The following SGCD variants were observed in gnomAD, a reference collection of about 807,000 sequenced individuals.
SGCD encodes sarcoglycan delta.
SGCD carries 18 observed loss-of-function variants against 36.6 expected under a neutral mutation model. That is an observed-to-expected ratio of 0.49 (90% CI 0.34 to 0.73). SGCD has a LOEUF of 0.73. SGCD is among the 30% of genes least tolerant of loss of function. The probability of loss-of-function intolerance (pLI) is 0.01; values close to 1 mark genes in which losing one functional copy is unlikely to be tolerated. For missense variants in SGCD, 387 were observed against 346.7 expected, an observed-to-expected ratio of 1.12 and a Z score of -0.92; for synonymous variants, 133 against 130.6, an observed-to-expected ratio of 1.02 and a Z score of -0.12.
the SGCD span, among the ~76,000 whole-genome samples, chr5:155,733,047 C>G: frequency 6.4e-5 from 9 of 141,168 alleles, no homozygotes; most frequent in African/African-American, 2.4e-4. Flanking sequence ...AGTGCCAAGT[C>G]GGAAAGCACT....
intron 3 of SGCD, among the ~76,000 whole-genome samples, chr5:156,351,536 T>C (rs972097847): frequency 2.6e-5 from 4 of 151,888 alleles, no homozygotes; most frequent in Admixed American, 2.0e-4. Flanking sequence ...TTAGAGGAGG[T>C]GATAAATGCA....
chr5:156,076,707 T>C (rs1034702326), intron 1 of SGCD, among the ~76,000 whole-genome samples: 4 of 152,240 alleles, frequency 2.6e-5, no homozygotes, highest in African/African-American at 7.2e-5. Context: ...TTTTTATTCA[T>C]ATTTTTGTAG....
intron 2 of SGCD, among the ~76,000 whole-genome samples, chr5:156,337,781 G>A (rs532347990): frequency 5.9e-5 from 9 of 152,080 alleles, no homozygotes; most frequent in African/African-American, 1.7e-4. Context: ...CCTTTTGAAG[G>A]CCTTTATCTC....
chr5:156,229,522 G>T (rs1321900891), intron 3 of SGCD, among the ~76,000 whole-genome samples: 1 of 151,524 alleles, frequency 6.6e-6, no homozygotes, highest in East Asian at 1.9e-4. Context: ...TAGGGTTTCT[G>T]CTGAGAAATT....
chr5:156,431,264 T>C (rs1752998547), intron 3 of SGCD, among the ~76,000 whole-genome samples: 1 of 152,186 alleles, frequency 6.6e-6, no homozygotes, highest in Admixed American at 6.5e-5. Context: ...GGGTTGTGAC[T>C]CTGCTTCTCA....
chr5:156,086,139 T>C (rs1761085965), intron 1 of SGCD, among the ~76,000 whole-genome samples: 2 of 152,264 alleles, frequency 1.3e-5, no homozygotes, highest in African/African-American at 2.4e-5. Flanking sequence ...ACCTCTATTT[T>C]GGTCATTGTA....
chr5:156,050,871 C>T (rs1759898471), intron 1 of SGCD, among the ~76,000 whole-genome samples: 1 of 146,528 alleles, frequency 6.8e-6, no homozygotes, highest in Non-Finnish European at 1.5e-5. Context: ...CTCCATTTTA[C>T]AAGAACCCTT....
chr5:155,833,954 A>T, the SGCD span, among the ~76,000 whole-genome samples: 1 of 152,220 alleles, frequency 6.6e-6, no homozygotes, highest in South Asian at 2.1e-4. Flanking sequence ...CCCTACACTG[A>T]GTTGTGGAAG....
At chr5:156,379,363 T>C (rs1408735571) in intron 3 of SGCD, among the ~76,000 whole-genome samples, 2 of 152,178 alleles carry the variant, frequency 1.3e-5, no homozygotes, top group Non-Finnish European at 2.9e-5. Context: ...AGAGGAGTTA[T>C]GCATGCACAT....
chr5:155,998,029 G>C (rs938718657), intron 1 of SGCD, among the ~76,000 whole-genome samples: 1 of 152,200 alleles, frequency 6.6e-6, no homozygotes, highest in Non-Finnish European at 1.5e-5. Context: ...TACAAGCATT[G>C]TGTGTGCACG....
intron 1 of SGCD, among the ~76,000 whole-genome samples, chr5:155,875,236 T>C (rs1268856673): frequency 6.6e-6 from 1 of 152,126 alleles, no homozygotes; most frequent in Non-Finnish European, 1.5e-5. Context: ...ATGTCAGTGG[T>C]TGCCTAGGTT....
At chr5:155,776,763 G>A in the SGCD span, among the ~76,000 whole-genome samples, 9 of 151,920 alleles carry the variant, frequency 5.9e-5, no homozygotes, top group Admixed American at 3.9e-4. Context: ...CAAAATGTCT[G>A]CTCATCTTAT....
chr5:156,224,012 A>G (rs1194940082), intron 3 of SGCD, among the ~76,000 whole-genome samples: 1 of 151,872 alleles, frequency 6.6e-6, no homozygotes, highest in Non-Finnish European at 1.5e-5. Flanking sequence ...ACAAATGTCA[A>G]CACAAAGAAG....
chr5:156,704,624 T>G (rs1754665897), intron 7 of SGCD, among the ~76,000 whole-genome samples: 1 of 152,154 alleles, frequency 6.6e-6, no homozygotes, highest in Non-Finnish European at 1.5e-5. Context: ...AAATTATATA[T>G]AAAAATATCT....
intron 1 of SGCD, among the ~76,000 whole-genome samples, chr5:155,938,409 A>G (rs549031394): frequency 6.6e-6 from 1 of 152,304 alleles, no homozygotes; most frequent in African/African-American, 2.4e-5. Flanking sequence ...AAAAAGGAAA[A>G]ATAAACAAAT....
chr5:156,422,951 C>T (rs1008260802), intron 3 of SGCD, among the ~76,000 whole-genome samples: 2 of 151,028 alleles, frequency 1.3e-5, no homozygotes, highest in Non-Finnish European at 2.9e-5. Context: ...AGAAATAGTG[C>T]ACAGGGTGAG....
chr5:155,804,161 A>G, the SGCD span, among the ~76,000 whole-genome samples: 4 of 152,308 alleles, frequency 2.6e-5, no homozygotes, highest in South Asian at 2.1e-4. Context: ...CCTTTTGATA[A>G]TTATGAAAAT....
chr5:156,445,917 A>G (rs1753738160), intron 3 of SGCD, among the ~76,000 whole-genome samples: 1 of 152,140 alleles, frequency 6.6e-6, no homozygotes, highest in Non-Finnish European at 1.5e-5. Context: ...ACCAAATGTC[A>G]GGGGAATATG....
At chr5:156,719,070 CACAT>C (rs1755360724) in intron 7 of SGCD, among the ~76,000 whole-genome samples, 1 of 151,968 alleles carries the variant, frequency 6.6e-6, no homozygotes, top group Admixed American at 6.6e-5. Context: ...TATGCACACA[CACAT>C]ACAGAGAGAG....
Sources: allele counts gnomAD v4.1 joint callset (sites outside exome capture counted in the v4.1 genomes callset), GRCh38; gene constraint gnomAD v4.1.1; transcripts MANE v1.5; gene names NCBI Gene and HGNC (gene_info 2026-07-23, HGNC 2026-07-21).